The following PELI2 variants were observed in gnomAD, a reference collection of about 807,000 sequenced individuals.
PELI2 encodes the protein pellino E3 ubiquitin protein ligase family member 2.
PELI2 carries 23 observed loss-of-function variants against 42.3 expected under a neutral mutation model. That is an observed-to-expected ratio of 0.54 (90% confidence interval 0.39 to 0.77). The LOEUF (loss-of-function observed/expected upper bound fraction) is 0.77, where lower values mean the gene tolerates loss of function less well. Ranked by LOEUF, PELI2 falls within the 30% of genes least tolerant of loss-of-function variation. PELI2 has a pLI of 0.00. For synonymous variants in PELI2, 245 were observed against 212.2 expected (o/e 1.15, Z -1.34); for missense variants, 463 against 553.2 (o/e 0.84, Z 1.64).
intron 1 of PELI2, among the ~76,000 whole-genome samples, chr14:56,146,865 T>C (rs1192076744): frequency 2.0e-5 from 3 of 152,136 alleles, no homozygotes; most frequent in Non-Finnish European, 4.4e-5. Context: ...GTTTAGTAAA[T>C]TGATACATTA....
intron 2 of PELI2, among the ~76,000 whole-genome samples, chr14:56,267,405 A>G (rs750786999): frequency 6.6e-6 from 1 of 152,136 alleles, no homozygotes; most frequent in Non-Finnish European, 1.5e-5. Context: ...GCCTTTTAAG[A>G]AGTTCAGTTT....
intron 2 of PELI2, among the ~76,000 whole-genome samples, chr14:56,182,940 C>T (rs1007598613): frequency 1.5e-4 from 23 of 152,214 alleles, no homozygotes; most frequent in African/African-American, 5.3e-4. Context: ...ATCTCCTGCA[C>T]GTTCATGATG....
chr14:56,163,723 A>AT (rs1180776957), intron 1 of PELI2, among the ~76,000 whole-genome samples: 1 of 151,786 alleles, frequency 6.6e-6, no homozygotes, highest in Non-Finnish European at 1.5e-5. Flanking sequence ...ATGTCTTTTC[A>AT]TTTTTTGGTG....
chr14:56,199,036 A>G (rs1886238816), intron 2 of PELI2, among the ~76,000 whole-genome samples: 2 of 152,192 alleles, frequency 1.3e-5, no homozygotes, highest in South Asian at 4.1e-4. Flanking sequence ...TCAAAGAGCC[A>G]GCTTATGACT....
chr14:56,217,248 C>T (rs1366825608), intron 2 of PELI2, among the ~76,000 whole-genome samples: 3 of 152,202 alleles, frequency 2.0e-5, no homozygotes, highest in Non-Finnish European at 2.9e-5. Flanking sequence ...CCCAGATTCA[C>T]GTAGCTGCCT....
At chr14:56,184,575 C>T (rs1203372731) in intron 2 of PELI2, among the ~76,000 whole-genome samples, 1 of 151,732 alleles carries the variant, frequency 6.6e-6, no homozygotes, top group African/African-American at 2.4e-5. Flanking sequence ...ATAATTAAGC[C>T]AGAAATGAAA....
At chr14:56,269,724 T>C (rs1889031782) in intron 2 of PELI2, among the ~76,000 whole-genome samples, 1 of 152,168 alleles carries the variant, frequency 6.6e-6, no homozygotes, top group Non-Finnish European at 1.5e-5. Flanking sequence ...CAGCCCAATC[T>C]GTACTATTAG....
chr14:56,205,067 C>A (rs1886468655), intron 2 of PELI2, among the ~76,000 whole-genome samples: 1 of 149,518 alleles, frequency 6.7e-6, no homozygotes, highest in South Asian at 2.1e-4. Flanking sequence ...TGCTTTAAAA[C>A]CAGGTAGTGG....
At chr14:56,147,520 A>C (rs1046024646) in intron 1 of PELI2, among the ~76,000 whole-genome samples, 2 of 152,224 alleles carry the variant, frequency 1.3e-5, no homozygotes, top group Non-Finnish European at 2.9e-5. Context: ...GAATTCCTAC[A>C]CCAGCACCAA....
intron 1 of PELI2, among the ~76,000 whole-genome samples, chr14:56,124,523 C>T (rs1038878881): frequency 3.3e-5 from 5 of 152,184 alleles, no homozygotes; most frequent in Non-Finnish European, 7.4e-5. Flanking sequence ...ATTTTTGTCC[C>T]AGCCTCTTTG....
Position 56,301,234 on chromosome 14 carries a change from G to T in PELI2, c.*4068G>T. Reference sequence around the variant, plus strand: ...TTGAAAAGTTTATTTCTTCACTATTGTACCTGTGGAAATACAAGCCATTTT... The same window carrying T: ...TTGAAAAGTTTATTTCTTCACTATTTTACCTGTGGAAATACAAGCCATTTT... On this transcript the variant is annotated 3_prime_UTR_variant, in exon 6 of 6. Transcript: ENST00000267460. The T allele has an allele frequency of 6.6e-6, 1 of 152,462 alleles. No individual in the cohort carries two copies. Among genetic ancestry groups the T allele is most frequent in the East Asian group, 1.9e-4 (1 of 5,196 alleles). The allele number at this position is 152,462 out of a possible 1,614,324, so 9.4% of individuals were successfully genotyped here.
chr14:56,278,100 AATAG>A (rs1566680100), intron 2 of PELI2, among the ~76,000 whole-genome samples: 2 of 152,242 alleles, frequency 1.3e-5, no homozygotes, highest in African/African-American at 4.8e-5. Flanking sequence ...TTTAAAATGC[AATAG>A]ATACTTTATA....
rs1180802077 is a variant in PELI2, at chr14:56,178,383, A to G, written c.126A>G (p.Arg42=). Residue 42 remains arginine, a synonymous_variant, in exon 2 of 6, where the codon AGA becomes AGG. Coordinates refer to ENST00000267460, the MANE Select transcript of PELI2 (RefSeq NM_021255.3). ...GAGATAGAGGACGGAGGAAAAGTAG[A>G]TTTGCCCTCTACAAGCGGCCCAAGG... ...PNGDRGRRKS[R]FALYKRPKAN... 1.2e-6 allele frequency: 2 copies of G among 1,614,010 alleles called. No individual in the cohort carries two copies. Among genetic ancestry groups the G allele is most frequent in the African/African-American group, 2.7e-5 (2 of 74,928 alleles).
chr14:56,140,876 A>G (rs1883881165), intron 1 of PELI2, among the ~76,000 whole-genome samples: 1 of 152,192 alleles, frequency 6.6e-6, no homozygotes, highest in Non-Finnish European at 1.5e-5. Flanking sequence ...AGGGAAGGCC[A>G]AGAGAATGGG....
At chr14:56,172,600 C>T (rs1323095675) in intron 1 of PELI2, among the ~76,000 whole-genome samples, 1 of 152,090 alleles carries the variant, frequency 6.6e-6, no homozygotes, top group Non-Finnish European at 1.5e-5. Flanking sequence ...ATCAAATGTA[C>T]TTTTGGATCT....
chr14:56,245,227 AAC>A (rs1376945166), intron 2 of PELI2, among the ~76,000 whole-genome samples: 1 of 152,186 alleles, frequency 6.6e-6, no homozygotes, highest in Non-Finnish European at 1.5e-5. Flanking sequence ...AAAACACTGC[AAC>A]AGTTACCAAC....
chr14:56,165,652 T>G (rs896174390), intron 1 of PELI2, among the ~76,000 whole-genome samples: 4 of 152,338 alleles, frequency 2.6e-5, no homozygotes, highest in Admixed American at 2.0e-4. Context: ...ATCTTCTGTT[T>G]GGAAGATCTG....
At chr14:56,230,796 A>G (rs1887533088) in intron 2 of PELI2, among the ~76,000 whole-genome samples, 1 of 152,250 alleles carries the variant, frequency 6.6e-6, no homozygotes, top group South Asian at 2.1e-4. Flanking sequence ...ATTAAAAGAC[A>G]CAGACTGGCA....
intron 2 of PELI2, among the ~76,000 whole-genome samples, chr14:56,185,625 C>T (rs1330266978): frequency 6.6e-6 from 1 of 152,126 alleles, no homozygotes; most frequent in African/African-American, 2.4e-5. Context: ...GCAGTGTCCA[C>T]TGAATACTTC....
Sources: gnomAD v4.1 joint callset for allele counts (sites outside exome capture counted in the v4.1 genomes callset) on GRCh38, gnomAD v4.1.1 for gene constraint, MANE v1.5 for transcripts, NCBI Gene and HGNC (gene_info 2026-07-23, HGNC 2026-07-21) for gene names.